CEP83: variants seen among roughly 807,000 people sequenced by gnomAD.
The protein encoded by CEP83 is centrosomal protein of 83 kDa.
A neutral mutation model predicts 101.9 loss-of-function variants in CEP83; 70 were observed. The ratio of observed to expected loss-of-function variants is 0.69; its 90% CI spans 0.57 to 0.84. The LOEUF (loss-of-function observed/expected upper bound fraction) is 0.84. Ranked by LOEUF, CEP83 falls within the 40% of genes least tolerant of loss-of-function variation. CEP83 has a pLI of 0.00. For synonymous variants in CEP83, 264 were observed against 267.9 expected (o/e 0.99, Z 0.14); for missense variants, 715 against 787.2 (o/e 0.91, Z 1.10).
downstream of CEP83, among the ~76,000 whole-genome samples, chr12:94,303,536 G>T (rs1013108853): frequency 1.6e-4 from 24 of 152,070 alleles, no homozygotes; most frequent in Non-Finnish European, 7.4e-5. Flanking sequence ...CATTTAATCT[G>T]CCTGAAAATA....
At chr12:94,294,648 A>C in the CEP83 span, 5 of 596,270 alleles carry the variant, frequency 8.4e-6, no homozygotes, top group Non-Finnish European at 9.4e-6. Context: ...AGTTGTTGCT[A>C]TGTAATTCTC....
chr12:94,434,988 C>T (rs188026193), intron 2 of CEP83, among the ~76,000 whole-genome samples: 1 of 152,268 alleles, frequency 6.6e-6, no homozygotes, highest in Non-Finnish European at 1.5e-5. Context: ...TTATACTAGT[C>T]CCTTCACTTG....
chr12:94,445,480 C>T (rs1337779771), intron 1 of CEP83, among the ~76,000 whole-genome samples: 1 of 152,130 alleles, frequency 6.6e-6, no homozygotes, highest in Non-Finnish European at 1.5e-5. Flanking sequence ...AACTGACAAA[C>T]TGGATTTCAT....
intron 14 of CEP83, among the ~76,000 whole-genome samples, chr12:94,323,104 C>A (rs1265497668): frequency 1.3e-5 from 2 of 152,202 alleles, no homozygotes; most frequent in African/African-American, 4.8e-5. Context: ...GGCTAGAGTT[C>A]CAAGCCAGTG....
chr12:94,308,990 C>T, intron 16 of CEP83, 73 bp from the exon 17 acceptor site: 1 of 982,256 alleles, frequency 1.0e-6, no homozygotes, highest in Non-Finnish European at 1.6e-6. Flanking sequence ...CTTGGACTGC[C>T]TCTTTTATAT....
At chr12:94,352,878 T>G (rs796794123) in intron 11 of CEP83, among the ~76,000 whole-genome samples, 4 of 152,274 alleles carry the variant, frequency 2.6e-5, no homozygotes, top group African/African-American at 9.6e-5. Flanking sequence ...ATATTCACAT[T>G]ATAAAAATTC....
At chr12:94,362,851 C>T (rs1032747486) in intron 11 of CEP83, among the ~76,000 whole-genome samples, 3 of 152,146 alleles carry the variant, frequency 2.0e-5, no homozygotes, top group Admixed American at 6.5e-5. Context: ...TACTATTCAG[C>T]CATAAAAAAG....
intron 1 of CEP83, among the ~76,000 whole-genome samples, chr12:94,451,475 AAAAAAAAAAAACCCAGCT>A (rs1161321636): frequency 4.6e-5 from 7 of 151,822 alleles, no homozygotes; most frequent in African/African-American, 1.4e-4. Flanking sequence ...ACCAAAAAAA[AAAAAAAAAAAACCCAGCT>A]AAAAAATGGG....
chr12:94,282,010 A>G, the CEP83 span: 10 of 312,832 alleles, frequency 3.2e-5, no homozygotes, highest in Admixed American at 4.3e-4. Flanking sequence ...TGCTTCTGGA[A>G]TTTTTGTTGA....
chr12:94,331,198 T>C (rs771845869), intron 14 of CEP83, among the ~76,000 whole-genome samples: 25 of 143,598 alleles, frequency 1.7e-4, no homozygotes, highest in Non-Finnish European at 1.8e-4. Context: ...GGCTGAGGTA[T>C]GAGAATCGCT....
At chr12:94,420,232 G>T (rs1054920141) in intron 2 of CEP83, among the ~76,000 whole-genome samples, 8 of 151,900 alleles carry the variant, frequency 5.3e-5, no homozygotes, top group African/African-American at 1.9e-4. Context: ...ATCTACTAAG[G>T]TTAAAAAAAA....
At chr12:94,279,932 G>C in the CEP83 span, 1 of 544,426 alleles carries the variant, frequency 1.8e-6, no homozygotes. Context: ...TGCAGGCCCT[G>C]AGACTGCACG....
intron 11 of CEP83, among the ~76,000 whole-genome samples, chr12:94,356,488 C>T (rs975860253): frequency 2.0e-5 from 3 of 152,222 alleles, no homozygotes; most frequent in South Asian, 2.1e-4. Flanking sequence ...GTTCGAGCAG[C>T]GCCTCGAGCG....
At chr12:94,391,883 A>AAC (rs2062564972) in intron 6 of CEP83, among the ~76,000 whole-genome samples, 2 of 152,212 alleles carry the variant, frequency 1.3e-5, no homozygotes, top group Admixed American at 6.5e-5. Flanking sequence ...AAGGAGACAA[A>AAC]GAAGGCCATG....
chr12:94,446,741 AC>A (rs2138485247), intron 1 of CEP83, among the ~76,000 whole-genome samples: 1 of 152,230 alleles, frequency 6.6e-6, no homozygotes, highest in African/African-American at 2.4e-5. Context: ...ATGTTAAGTG[AC>A]GACATACTGT....
chr12:94,305,725 TG>T (rs1968936759), downstream of CEP83: 1 of 153,596 alleles, frequency 6.5e-6, no homozygotes, highest in Non-Finnish European at 1.4e-5. Context: ...GGAAACAAGG[TG>T]GGGGTGTTAG....
chr12:94,418,701 T>C (rs1344139153), intron 2 of CEP83, among the ~76,000 whole-genome samples: 2 of 152,214 alleles, frequency 1.3e-5, no homozygotes, highest in African/African-American at 4.8e-5. Context: ...CAAGGTTTTC[T>C]TTGATGTGGT....
Position 94,376,023 on chromosome 12 carries a change from A to G in CEP83, c.802-6T>C, listed in dbSNP as rs762005972. 1.3e-6 allele frequency: 2 copies of G among 1,531,244 alleles called. No homozygotes were observed. The highest frequency in any genetic ancestry group is 1.3e-5 in the South Asian group (1 of 76,170). 94.9% of individuals were successfully genotyped at this position (1,531,244 alleles called of 1,614,324 possible). A position where few individuals can be genotyped will look rare whatever the true frequency, so the allele number is the denominator to read the frequency against. ...TTAGCTGATTGTTTTTCAGCCTTTC[A>G]TACAAACAAAATAGTTTAAAATTCA... On this transcript the variant is annotated splice_region_variant and splice_polypyrimidine_tract_variant and intron_variant, in intron 7 of 16. Transcript: ENST00000397809.
rs928177600 is a variant in CEP83, at chr12:94,411,785, G to A, written c.236C>T (p.Thr79Ile). 5.6e-6 allele frequency: 9 copies of A among 1,612,346 alleles called. No homozygotes were observed. Among genetic ancestry groups the A allele is most frequent in the Non-Finnish European group, 7.6e-6 (9 of 1,179,050 alleles). Residue 79 changes from threonine to isoleucine, a missense_variant, in exon 4 of 17, where the codon ACT becomes ATT. Transcript: ENST00000397809. ...ELKHLFNEKQ[T>I]QQEKLQLLLE... is the part of the protein sequence containing the mutation. ...CAGGAGCTGAAGTTTTTCCTGCTGA[G>A]TTTGCTTTTCATTAAACAGGTGCTT...
Sources: allele counts gnomAD v4.1 joint callset (sites outside exome capture counted in the v4.1 genomes callset), GRCh38; gene constraint gnomAD v4.1.1; transcripts MANE v1.5; gene names NCBI Gene and HGNC (gene_info 2026-07-23, HGNC 2026-07-21).